Variants in KCNJ6 observed in about 807,000 individuals in gnomAD.
KCNJ6 encodes the protein G protein-activated inward rectifier potassium channel 2.
In KCNJ6, 9 loss-of-function variants were observed where a neutral mutation model predicts 34.2. The observed-to-expected ratio is 0.26, with a 90% CI of 0.16 to 0.46. The LOEUF is 0.46. Among genes scored for constraint, KCNJ6 ranks in the 20% least tolerant of loss-of-function variants. The probability of loss-of-function intolerance (pLI) is 1.00; values close to 1 mark genes in which losing one functional copy is unlikely to be tolerated. For missense variants in KCNJ6, 236 were observed against 531.3 expected (o/e 0.44, Z 5.46); for synonymous variants, 196 against 207.1 (o/e 0.95, Z 0.46).
chr21:37,828,817 T>C (rs2055411308), intron 2 of KCNJ6, among the ~76,000 whole-genome samples: 2 of 152,230 alleles, frequency 1.3e-5, no homozygotes. Flanking sequence ...CTGTGGACTG[T>C]CCACGCTTCC....
At chr21:37,781,552 G>C (rs1005592622) in intron 2 of KCNJ6, among the ~76,000 whole-genome samples, 2 of 152,196 alleles carry the variant, frequency 1.3e-5, no homozygotes, top group Non-Finnish European at 2.9e-5. Flanking sequence ...AAATTATGAT[G>C]ATGAGGAACA....
intron 3 of KCNJ6, among the ~76,000 whole-genome samples, chr21:37,639,907 T>A (rs1406700815): frequency 3.3e-5 from 5 of 152,204 alleles, no homozygotes; most frequent in African/African-American, 1.2e-4. Flanking sequence ...CCCTTCCCCT[T>A]CTGCCATGAT....
At chr21:37,831,893 T>C (rs1174792456) in intron 2 of KCNJ6, among the ~76,000 whole-genome samples, 1 of 150,114 alleles carries the variant, frequency 6.7e-6, no homozygotes, top group Non-Finnish European at 1.5e-5. Context: ...AGAAGGGAGG[T>C]TTTGGAGAGA....
chr21:37,820,063 C>T (rs1213505828), intron 2 of KCNJ6, among the ~76,000 whole-genome samples: 1 of 152,076 alleles, frequency 6.6e-6, no homozygotes, highest in Non-Finnish European at 1.5e-5. Flanking sequence ...GCTGGGATTA[C>T]AGATGTGAAC....
At chr21:37,662,221 A>T (rs1232175893) in intron 3 of KCNJ6, among the ~76,000 whole-genome samples, 1 of 152,108 alleles carries the variant, frequency 6.6e-6, no homozygotes, top group Non-Finnish European at 1.5e-5. Context: ...AAGCCCAGCA[A>T]GCATTAACTG....
At chr21:37,723,659 G>A (rs180966316) in intron 2 of KCNJ6, among the ~76,000 whole-genome samples, 3 of 152,244 alleles carry the variant, frequency 2.0e-5, no homozygotes, top group Admixed American at 2.0e-4. Flanking sequence ...AATTAACGCA[G>A]GAACAGAAAA....
intron 1 of KCNJ6, among the ~76,000 whole-genome samples, chr21:37,875,239 T>TA (rs1274904281): frequency 2.0e-5 from 3 of 152,140 alleles, no homozygotes; most frequent in African/African-American, 7.2e-5. Context: ...TTTTGTAAAA[T>TA]AAAAAAATCT....
At chr21:37,744,331 A>T (rs1429027582) in intron 2 of KCNJ6, among the ~76,000 whole-genome samples, 3 of 151,836 alleles carry the variant, frequency 2.0e-5, no homozygotes, top group African/African-American at 7.3e-5. Flanking sequence ...AATAAAAAAA[A>T]TGGATAGTAT....
At chr21:37,839,987 C>T (rs942052485) in intron 2 of KCNJ6, among the ~76,000 whole-genome samples, 1 of 152,086 alleles carries the variant, frequency 6.6e-6, no homozygotes, top group South Asian at 2.1e-4. Context: ...TTAGTAGAGA[C>T]AGGGTTTCAC....
At chr21:37,659,224 T>C (rs138219435) in intron 3 of KCNJ6, among the ~76,000 whole-genome samples, 312 of 152,280 alleles carry the variant, frequency 2.0e-3, no homozygotes, top group Admixed American at 4.7e-3. Flanking sequence ...ACAGATCAGA[T>C]CATGTTGTTC....
At chr21:37,649,822 G>A (rs549198159) in intron 3 of KCNJ6, among the ~76,000 whole-genome samples, 2 of 152,244 alleles carry the variant, frequency 1.3e-5, no homozygotes, top group East Asian at 3.9e-4. Context: ...GCGCCATCTC[G>A]GCTCACTGCA....
At chr21:37,845,927 T>A in intron 1 of KCNJ6, among the ~76,000 whole-genome samples, 1 of 152,124 alleles carries the variant, frequency 6.6e-6, no homozygotes, top group South Asian at 2.1e-4. Flanking sequence ...CCACTTAAAG[T>A]CGTATTGTTG....
At chr21:37,894,323 T>C (rs2055777179) in intron 1 of KCNJ6, among the ~76,000 whole-genome samples, 1 of 152,176 alleles carries the variant, frequency 6.6e-6, no homozygotes, top group Non-Finnish European at 1.5e-5. Context: ...GAGCCCCAGA[T>C]AACTGCTGTG....
At chr21:37,888,090 T>G (rs118049255) in intron 1 of KCNJ6, among the ~76,000 whole-genome samples, 3 of 152,220 alleles carry the variant, frequency 2.0e-5, no homozygotes, top group Admixed American at 1.3e-4. Context: ...ATTGTCTCCA[T>G]GACAGGCCCA....
chr21:37,710,016 A>G (rs904592468), intron 3 of KCNJ6, among the ~76,000 whole-genome samples: 5 of 152,196 alleles, frequency 3.3e-5, no homozygotes, highest in Admixed American at 6.5e-5. Flanking sequence ...TGTTCTATGC[A>G]GTATTTAAAT....
At chr21:37,706,632 G>A (rs2123442619) in intron 3 of KCNJ6, among the ~76,000 whole-genome samples, 1 of 152,330 alleles carries the variant, frequency 6.6e-6, no homozygotes, top group African/African-American at 2.4e-5. Context: ...GTCTGTTACA[G>A]CAGCATAACT....
chr21:37,822,179 G>A (rs1384743665), intron 2 of KCNJ6, among the ~76,000 whole-genome samples: 1 of 152,216 alleles, frequency 6.6e-6, no homozygotes, highest in African/African-American at 2.4e-5. Flanking sequence ...CTGGCTGCAC[G>A]TGGAGGATGA....
intron 2 of KCNJ6, among the ~76,000 whole-genome samples, chr21:37,795,574 G>A (rs996475479): frequency 1.3e-5 from 2 of 151,890 alleles, no homozygotes; most frequent in African/African-American, 2.4e-5. Context: ...GTGAAAACCC[G>A]TCTCTACTAA....
At chr21:37,899,354 T>C (rs2055805383) in intron 1 of KCNJ6, among the ~76,000 whole-genome samples, 1 of 152,248 alleles carries the variant, frequency 6.6e-6, no homozygotes. Flanking sequence ...ACAGCCAAGT[T>C]GGACTAGAAA....
Sources: gnomAD v4.1 joint callset for allele counts (sites outside exome capture counted in the v4.1 genomes callset) on GRCh38, gnomAD v4.1.1 for gene constraint, MANE v1.5 for transcripts, NCBI Gene and HGNC (gene_info 2026-07-23, HGNC 2026-07-21) for gene names.